VSIG10L2: variants seen among roughly 807,000 people sequenced by gnomAD.
VSIG10L2 encodes the protein V-set and immunoglobulin domain-containing protein 10-like 2.
A neutral mutation model predicts 67.1 loss-of-function variants in VSIG10L2; 56 were observed. That is an observed-to-expected ratio of 0.83 (90% CI 0.67 to 1.04). VSIG10L2 has a LOEUF of 1.04. Ranked by LOEUF, VSIG10L2 falls within the 50% of genes least tolerant of loss-of-function variation. The pLI is 0.00. For missense variants in VSIG10L2, 843 were observed against 932.8 expected, an observed-to-expected ratio of 0.90 and a Z score of 1.25; for synonymous variants, 360 against 396.6, an observed-to-expected ratio of 0.91 and a Z score of 1.10.
At position 125,955,217 on chromosome 11, in the gene VSIG10L2, A is replaced by G. The variant is rs1945444099; in HGVS notation, c.2206+38A>G. On this transcript the variant is annotated intron_variant, in intron 9 of 11. Transcript: ENST00000686984. ...CGGAAGGGACGGGCTGCTTGACCCCACAGGGTGGCCAGGCCCTGACCTATC... is the reference window on the plus strand; with the variant it reads ...CGGAAGGGACGGGCTGCTTGACCCCGCAGGGTGGCCAGGCCCTGACCTATC... 3.2e-6 allele frequency: 4 copies of G among 1,261,280 alleles called. No homozygotes were observed. The East Asian group carries it at 9.1e-5, about 29-fold the overall frequency. 78.1% of individuals were successfully genotyped at this position (1,261,280 alleles called of 1,614,324 possible).
In VSIG10L2 at chr11:125,948,603, G is replaced by C. The variant is rs541228786; in HGVS notation, c.709+23G>C. The C allele has an allele frequency of 1.2e-5, 15 of 1,231,838 alleles. No homozygotes were observed. The Admixed American group carries it at 1.7e-4, about 14-fold the overall frequency. 76.3% of individuals were successfully genotyped at this position (1,231,838 alleles called of 1,614,324 possible). ...TTTGTGAGTCAGACTGTGGTGGGGG[G>C]GCTGTCAGGGCTGACACCCATCTCC... On this transcript the variant is annotated intron_variant, in intron 3 of 11. Coordinates refer to ENST00000686984, the MANE Select transcript of VSIG10L2 (RefSeq NM_001365077.2).
chr11:125,949,283 T>C (rs952604559), intron 3 of VSIG10L2, among the ~76,000 whole-genome samples: 1 of 129,584 alleles, frequency 7.7e-6, no homozygotes, highest in African/African-American at 2.9e-5. Flanking sequence ...GGTTTGGTCA[T>C]TTTTACGTAA....
At chr11:125,947,086 C>T (rs1464361474) in intron 1 of VSIG10L2, among the ~76,000 whole-genome samples, 1 of 152,110 alleles carries the variant, frequency 6.6e-6, no homozygotes, top group Non-Finnish European at 1.5e-5. Flanking sequence ...CCTTGTGACC[C>T]CGGCACTCTA....
At position 125,946,328 on chromosome 11, in the gene VSIG10L2, C is replaced by G. The variant is rs1336525399; in HGVS notation, c.82+191C>G. ...CGTAGGTGAGAGCACTCTGCTTAAC[C>G]TTGAGAAGCTGGAGTCATCCTGAGA... On this transcript the variant is annotated intron_variant, in intron 1 of 11. Coordinates refer to ENST00000686984, the MANE Select transcript of VSIG10L2 (RefSeq NM_001365077.2). The surrounding 1 kb of genome is among the most constrained non-coding windows in gnomAD (Gnocchi z 4.4). Among the ~76,000 whole-genome samples, 1 of 152,192 alleles carries G rather than the reference C, an allele frequency of 6.6e-6. No individual in the cohort carries two copies.
In VSIG10L2 at chr11:125,948,424, C is replaced by G; in HGVS notation, c.553C>G (p.Arg185Gly). The G allele has an allele frequency of 8.1e-7, 1 of 1,232,446 alleles. No individual in the cohort carries two copies. The highest frequency in any genetic ancestry group is 1.0e-6 in the Non-Finnish European group (1 of 988,188). The allele number at this position is 1,232,446 out of a possible 1,614,324, so 76.3% of individuals were successfully genotyped here. The stretch of plus-strand genomic sequence containing the variant: ...GCCCGTGACCTTTGCCTGGCAGCAT[C>G]GGGCACCCCGAGGCCTTGGAGAGGC... ...TEPVTFAWQH[R>G]APRGLGEALV... Residue 185 changes from arginine to glycine, a missense_variant, in exon 3 of 12, where the codon CGG (arginine) becomes GGG (glycine). Arg to Gly is a moderately radical substitution (Grantham distance 125). Around this residue, in one of 2 missense-constraint regions of VSIG10L2, gnomAD observed 446 missense variants for 548.4 expected, o/e 0.81. Coordinates refer to ENST00000686984, the MANE Select transcript of VSIG10L2 (RefSeq NM_001365077.2).
In VSIG10L2 at chr11:125,955,636, G is replaced by T; in HGVS notation, c.2253G>T (p.Arg751Ser). Reference protein sequence around the residue: ...LVPTEQRHQQRGSREDAEAPA... With the variant: ...LVPTEQRHQQSGSREDAEAPA... Reference sequence around the variant, plus strand: ...TCAGGGAGCAAAGGCACCAACAGAGGGGTTCCAGAGAAGATGCTGAGGCAC... The same window carrying T: ...TCAGGGAGCAAAGGCACCAACAGAGTGGTTCCAGAGAAGATGCTGAGGCAC... Residue 751 changes from arginine to serine, a missense_variant, in exon 11 of 12, where the codon AGG becomes AGT. This residue lies in a region of VSIG10L2 where 397 missense variants were observed against 384.4 expected (regional missense o/e 1.03). Coordinates refer to ENST00000686984, the MANE Select transcript of VSIG10L2 (RefSeq NM_001365077.2). 1 of 1,531,698 alleles carries T rather than the reference G, an allele frequency of 6.5e-7. No homozygotes were observed. The allele number at this position is 1,531,698 out of a possible 1,614,324, so 94.9% of individuals were successfully genotyped here. A position where few individuals can be genotyped will look rare whatever the true frequency, so the allele number is the denominator to read the frequency against.
chr11:125,952,105 C>A lies in VSIG10L2; in HGVS notation c.1495+32C>A, dbSNP rs537798286. On this transcript the variant is annotated intron_variant, in intron 6 of 11. Coordinates refer to ENST00000686984, the MANE Select transcript of VSIG10L2 (RefSeq NM_001365077.2). Reference sequence around the variant, plus strand: ...AGGGGCTAGCGAGTTTGTTCTGGGGCTGGGACAGGAGGAGGAACCCTTTGG... The same window carrying A: ...AGGGGCTAGCGAGTTTGTTCTGGGGATGGGACAGGAGGAGGAACCCTTTGG... The A allele has an allele frequency of 1.6e-5, 24 of 1,512,336 alleles. No homozygotes were observed. In the African/African-American group the frequency reaches 3.2e-4, roughly 20 times the overall value. The allele number at this position is 1,512,336 out of a possible 1,614,324, so 93.7% of individuals were successfully genotyped here.
In VSIG10L2 at chr11:125,953,619, G is replaced by A. The variant is rs542828138; in HGVS notation, c.1715G>A (p.Arg572Lys). 2 of 1,232,246 alleles carry A rather than the reference G, an allele frequency of 1.6e-6. No individual in the cohort carries two copies. The highest frequency in any genetic ancestry group is 3.2e-5 in the East Asian group (1 of 31,698). The allele number at this position is 1,232,246 out of a possible 1,614,324, so 76.3% of individuals were successfully genotyped here. A position where few individuals can be genotyped will look rare whatever the true frequency, so the allele number is the denominator to read the frequency against. ...GIYDADPAHH[R>K]GTYQCVARNA... Reference sequence around the variant, plus strand: ...TACGATGCTGACCCGGCACACCACAGGGGCACCTACCAATGCGTGGCCCGC... The same window carrying A: ...TACGATGCTGACCCGGCACACCACAAGGGCACCTACCAATGCGTGGCCCGC... The change falls in exon 7 of 12, where the codon AGG becomes AAG. Residue 572 changes from arginine to lysine, a missense_variant. Physicochemically the swap from Arg to Lys is conservative, Grantham distance 26. Around this residue, in one of 2 missense-constraint regions of VSIG10L2, gnomAD observed 397 missense variants for 384.4 expected, o/e 1.03. Transcript: ENST00000686984.
intron 3 of VSIG10L2, among the ~76,000 whole-genome samples, chr11:125,949,040 G>C (rs577795450): frequency 6.6e-6 from 1 of 152,228 alleles, no homozygotes; most frequent in Admixed American, 6.5e-5. Context: ...TGGCAGCCAC[G>C]CATGTGTATC....
intron 3 of VSIG10L2, among the ~76,000 whole-genome samples, 161 bp downstream of exon 3, chr11:125,948,741 G>T (rs997868440): frequency 5.9e-5 from 9 of 152,288 alleles, no homozygotes; most frequent in Non-Finnish European, 1.3e-4. Context: ...CCGTGCCCCT[G>T]CTGCCCACTG....
rs896000755 is a variant in VSIG10L2 at position 125,955,060 on chromosome 11, ACCC to A, written c.2092_2094del (p.Pro698del). 1 of 1,234,538 alleles carries A rather than the reference ACCC, an allele frequency of 8.1e-7. No individual in the cohort carries two copies. The highest frequency in any genetic ancestry group is 4.1e-5 in the South Asian group (1 of 24,382). The allele number at this position is 1,234,538 out of a possible 1,614,324, so 76.5% of individuals were successfully genotyped here. ...AACCTGTGCTCTCCCCTCCTAGCGG[ACCC>A]CCCCTTCAGCGCCTACCCAGCGGTG... On this transcript the variant is annotated inframe_deletion, in exon 9 of 12. Transcript: ENST00000686984.
At chr11:125,953,888 G>A (rs909618056) in intron 7 of VSIG10L2, among the ~76,000 whole-genome samples, 198 bp downstream of exon 7, 7 of 152,202 alleles carry the variant, frequency 4.6e-5, no homozygotes, top group African/African-American at 7.2e-5. Context: ...CAAACAGAAC[G>A]CCATGCAGGC....
chr11:125,950,332 C>A lies in VSIG10L2; in HGVS notation c.985+43C>A, dbSNP rs553425278. On this transcript the variant is annotated intron_variant, in intron 4 of 11. Transcript: ENST00000686984. ...GTGACGCCCAGACCTGTCCTGGGGA[C>A]AACTCACGCTGGAGCCTTTGTGGGG... 1.6e-4 allele frequency: 198 copies of A among 1,232,166 alleles called. 1 individual carries two copies. In the East Asian group the frequency reaches 6.2e-3, roughly 38 times the overall value. 76.3% of individuals were successfully genotyped at this position (1,232,166 alleles called of 1,614,324 possible). A position where few individuals can be genotyped will look rare whatever the true frequency, so the allele number is the denominator to read the frequency against.
chr11:125,952,833 CTTT>C (rs1441905864), intron 6 of VSIG10L2, among the ~76,000 whole-genome samples: 1 of 152,226 alleles, frequency 6.6e-6, no homozygotes, highest in African/African-American at 2.4e-5. Flanking sequence ...TCACAGAATG[CTTT>C]ACCTCTTGGT....
rs1230593854 is a variant in VSIG10L2 at position 125,951,851 on chromosome 11, A to T, written c.1273A>T (p.Thr425Ser). 6.6e-7 allele frequency: 1 copy of T among 1,526,546 alleles called. No individual in the cohort carries two copies. The highest frequency in any genetic ancestry group is 8.8e-7 in the Non-Finnish European group (1 of 1,140,736). 94.6% of individuals were successfully genotyped at this position (1,526,546 alleles called of 1,614,324 possible). Residue 425 changes from threonine to serine, a missense_variant, in exon 6 of 12, where the codon ACA becomes TCA. By Grantham distance (58) the Thr-to-Ser change is moderately conservative. Coordinates refer to ENST00000686984, the MANE Select transcript of VSIG10L2 (RefSeq NM_001365077.2). Reference sequence around the variant, plus strand: ...GAGGCCTACCTGCTGGAGCACAGCCACAATGGGGGACCAGTTCATCATGCT... The same window carrying T: ...GAGGCCTACCTGCTGGAGCACAGCCTCAATGGGGGACCAGTTCATCATGCT... ...LGRPTCWSTA[T>S]MGDQFIMLSC...
intron 2 of VSIG10L2, 55 bp downstream of exon 2, chr11:125,948,091 G>T: frequency 1.6e-6 from 2 of 1,232,406 alleles, no homozygotes; most frequent in Non-Finnish European, 2.0e-6. Context: ...GATTTCTCTG[G>T]AAGTGTGCTG....
chr11:125,951,649 T>C, intron 5 of VSIG10L2, 164 bp from the exon 6 acceptor site: 1 of 731,228 alleles, frequency 1.4e-6, no homozygotes, highest in Non-Finnish European at 2.1e-6. Context: ...GTTCCCACCA[T>C]TTCCCTGGCA....
intron 6 of VSIG10L2, among the ~76,000 whole-genome samples, chr11:125,952,621 C>T (rs1325815909): frequency 6.6e-6 from 1 of 152,146 alleles, no homozygotes; most frequent in East Asian, 1.9e-4. Context: ...CATGGATTTG[C>T]ATAAGAGAGG....
intron 6 of VSIG10L2, 145 bp from the exon 7 acceptor site, chr11:125,953,255 A>C: frequency 1.6e-6 from 1 of 615,514 alleles, no homozygotes; most frequent in Non-Finnish European, 2.4e-6. Flanking sequence ...GGGAACCTGA[A>C]GAGAAGGCAG....
Sources: allele counts gnomAD v4.1 joint callset (sites outside exome capture counted in the v4.1 genomes callset), GRCh38; gene constraint gnomAD v4.1.1; regional missense constraint gnomAD v4.1.1; non-coding constraint Gnocchi (gnomAD v3.1); transcripts MANE v1.5; gene names NCBI Gene and HGNC (gene_info 2026-07-23, HGNC 2026-07-21).